SLC1A7: variants seen among roughly 807,000 people sequenced by gnomAD.
SLC1A7 encodes excitatory amino acid transporter 5.
A neutral mutation model predicts 47.7 loss-of-function variants in SLC1A7; 40 were observed. The ratio of observed to expected loss-of-function variants is 0.84; its 90% CI spans 0.65 to 1.09. The LOEUF (loss-of-function observed/expected upper bound fraction) is 1.09, where lower values mean the gene tolerates loss of function less well. SLC1A7 is among the 50% of genes least tolerant of loss of function. The pLI is 0.00. For synonymous variants in SLC1A7, 323 were observed against 325.6 expected (o/e 0.99, Z 0.09); for missense variants, 746 against 769.5 (o/e 0.97, Z 0.36).
At chr1:53,114,297 G>T (rs1293638788) in intron 3 of SLC1A7, among the ~76,000 whole-genome samples, 2 of 152,178 alleles carry the variant, frequency 1.3e-5, no homozygotes, top group Non-Finnish European at 2.9e-5. Context: ...TTGCTAGGGG[G>T]TGGCACCACA....
At position 53,100,978 on chromosome 1, in the gene SLC1A7, C is replaced by T. The variant is rs114745326; in HGVS notation, c.697+2368G>A. ...CCCACACCGCACCTTGGTCCACTCA[C>T]ACACACCACCTCAGTCCACTCAGAT... is the stretch of plus-strand genomic sequence containing the variant. On this transcript the variant is annotated intron_variant, in intron 5 of 10. Coordinates refer to ENST00000371494, the MANE Select transcript of SLC1A7 (RefSeq NM_006671.6). Among the ~76,000 whole-genome samples the T allele has an allele frequency of 6.2e-3, 937 of 151,818 alleles. 15 individuals are homozygous for T. The highest frequency in any genetic ancestry group is 0.022 in the African/African-American group (904 of 41,344).
At chr1:53,135,955 G>A (rs1644988249) in intron 1 of SLC1A7, among the ~76,000 whole-genome samples, 1 of 151,724 alleles carries the variant, frequency 6.6e-6, no homozygotes, top group Non-Finnish European at 1.5e-5. Context: ...ATCATCAAAT[G>A]TTGGTGCTAT....
intron 2 of SLC1A7, among the ~76,000 whole-genome samples, chr1:53,129,487 G>A (rs1312120495): frequency 9.4e-6 from 1 of 106,950 alleles, no homozygotes; most frequent in African/African-American, 3.6e-5. Flanking sequence ...CTGGTCAAGC[G>A]TGGGCTGCAC....
chr1:53,114,458 C>T (rs1644733304), intron 3 of SLC1A7: 3 of 427,410 alleles, frequency 7.0e-6, no homozygotes, highest in Non-Finnish European at 8.5e-6. Context: ...AAGGGAGGGG[C>T]CAATAACAGC....
At chr1:53,124,281 C>T (rs1644858098) in intron 2 of SLC1A7, among the ~76,000 whole-genome samples, 1 of 147,614 alleles carries the variant, frequency 6.8e-6, no homozygotes, top group African/African-American at 2.5e-5. Context: ...CACACACACA[C>T]ACACACACAA....
At position 53,116,635 on chromosome 1, in the gene SLC1A7, C is replaced by T. The variant is rs565384751; in HGVS notation, c.216-1662G>A. On this transcript the variant is annotated intron_variant, in intron 2 of 10. Coordinates refer to ENST00000371494, the MANE Select transcript of SLC1A7 (RefSeq NM_006671.6). ...TCATCATCAAAGAGAGATTATCCCA[C>T]GCAGGGCCGGTGCGTCAACCCAGGG... 1.3e-4 allele frequency among the ~76,000 whole-genome samples: 20 copies of T among 152,282 alleles called. No homozygotes were observed. In the East Asian group the frequency reaches 1.9e-3, roughly 15 times the overall value.
intron 3 of SLC1A7, chr1:53,108,550 G>T (rs1004201936): frequency 2.8e-6 from 2 of 717,674 alleles, no homozygotes; most frequent in African/African-American, 3.5e-5. Context: ...GGAAGTCGTT[G>T]GGTGGTGATT....
intron 8 of SLC1A7, chr1:53,090,184 T>C: frequency 1.7e-6 from 1 of 587,796 alleles, no homozygotes; most frequent in South Asian, 2.0e-5. Context: ...TCTGGAGCTG[T>C]GCCTCTGTGG....
At chr1:53,104,760 C>T (rs1644621485) in intron 4 of SLC1A7, among the ~76,000 whole-genome samples, 1 of 152,214 alleles carries the variant, frequency 6.6e-6, no homozygotes, top group Non-Finnish European at 1.5e-5. Flanking sequence ...AGGCTCAACA[C>T]AGGGCCCAGC....
chr1:53,102,292 C>G (rs535902082), intron 5 of SLC1A7: 1 of 152,430 alleles, frequency 6.6e-6, no homozygotes, highest in South Asian at 2.1e-4. Context: ...GCTGTAGCCA[C>G]GGCAGCGGTG....
chr1:53,136,596 TATATAAACATATATA>T (rs1644998895), intron 1 of SLC1A7, among the ~76,000 whole-genome samples: 1 of 135,020 alleles, frequency 7.4e-6, no homozygotes, highest in African/African-American at 2.7e-5. Flanking sequence ...ACATATATAA[TATATAAACATATATA>T]ATATATATAA....
At chr1:53,119,065 GT>G (rs370815835) in intron 2 of SLC1A7, among the ~76,000 whole-genome samples, 57 of 23,056 alleles carry the variant, frequency 2.5e-3, no homozygotes, top group African/African-American at 0.011. Context: ...CAGTTCCTCA[GT>G]TGCACTGCCT....
At position 53,088,183 on chromosome 1, in the gene SLC1A7, G is replaced by A. The variant is rs972831062; in HGVS notation, c.1509C>T (p.Ile503=). 9.9e-6 allele frequency: 16 copies of A among 1,613,242 alleles called. No homozygotes were observed. The highest frequency in any genetic ancestry group is 5.0e-5 in the Admixed American group (3 of 59,982). ...CETKPVSLQE[I]VAAQQNGCVK... The stretch of plus-strand genomic sequence containing the variant: ...CACAGCCATTCTGCTGGGCTGCCAC[G>A]ATCTCCTGGAGGCTCACTGGCTTGG... The change falls in exon 11 of 11, where the codon ATC becomes ATT. Residue 503 remains isoleucine, a synonymous_variant. Coordinates refer to ENST00000371494, the MANE Select transcript of SLC1A7 (RefSeq NM_006671.6).
intron 1 of SLC1A7, among the ~76,000 whole-genome samples, chr1:53,136,167 A>G (rs1250493823): frequency 6.9e-6 from 1 of 144,636 alleles, no homozygotes; most frequent in Admixed American, 7.0e-5. Flanking sequence ...ATATATATAT[A>G]AAATAATATA....
chr1:53,115,068 C>T, intron 2 of SLC1A7, 95 bp from the exon 3 acceptor site: 1 of 887,310 alleles, frequency 1.1e-6, no homozygotes, highest in Non-Finnish European at 1.8e-6. Flanking sequence ...TGTCCAGCTG[C>T]CTCACAGTGC....
intron 3 of SLC1A7, among the ~76,000 whole-genome samples, chr1:53,113,604 C>T (rs940347870): frequency 4.6e-5 from 7 of 152,124 alleles, no homozygotes; most frequent in African/African-American, 1.4e-4. Flanking sequence ...TCCCCAGGGC[C>T]ACCACTTGGC....
At chr1:53,131,792 C>G (rs1348054236) in intron 2 of SLC1A7, among the ~76,000 whole-genome samples, 1 of 152,234 alleles carries the variant, frequency 6.6e-6, no homozygotes, top group Non-Finnish European at 1.5e-5. Flanking sequence ...CTTTGCAAAG[C>G]TTACAGCCCA....
intron 1 of SLC1A7, among the ~76,000 whole-genome samples, chr1:53,136,594 AATATATAAACATATATAAT>A (rs1557693358): frequency 4.7e-5 from 6 of 128,506 alleles, no homozygotes; most frequent in Non-Finnish European, 6.6e-5. Context: ...AAACATATAT[AATATATAAACATATATAAT>A]ATATATAAAC....
intron 10 of SLC1A7, among the ~76,000 whole-genome samples, 178 bp downstream of exon 10, chr1:53,088,699 T>C (rs1455579578): frequency 6.6e-6 from 1 of 152,108 alleles, no homozygotes. Flanking sequence ...CAGCGGGTGC[T>C]CAATAAATAG....
Sources: gnomAD v4.1 joint callset for allele counts (sites outside exome capture counted in the v4.1 genomes callset) on GRCh38, gnomAD v4.1.1 for gene constraint, MANE v1.5 for transcripts, NCBI Gene and HGNC (gene_info 2026-07-23, HGNC 2026-07-21) for gene names.